Variants in GALNT13 observed in about 807,000 individuals in gnomAD.
GALNT13 encodes UDP-GalNAc:polypeptide N-acetylgalactosaminyltransferase 13.
A neutral mutation model predicts 64.2 loss-of-function variants in GALNT13; 28 were observed. The ratio of observed to expected loss-of-function variants is 0.44; its 90% CI spans 0.32 to 0.60. GALNT13 has a LOEUF of 0.60. GALNT13 is among the 20% of genes least tolerant of loss of function. The probability of loss-of-function intolerance (pLI) is 0.05; values close to 1 mark genes in which losing one functional copy is unlikely to be tolerated. For synonymous variants in GALNT13, 214 were observed against 224.6 expected, an observed-to-expected ratio of 0.95 and a Z score of 0.42; for missense variants, 577 against 669.8, an observed-to-expected ratio of 0.86 and a Z score of 1.53.
the GALNT13 span, among the ~76,000 whole-genome samples, chr2:153,778,350 T>C: frequency 1.3e-5 from 2 of 152,188 alleles, no homozygotes; most frequent in Non-Finnish European, 2.9e-5. Flanking sequence ...GTGCCTGTAC[T>C]CACCTAGGTT....
At chr2:153,371,147 TATG>T in the GALNT13 span, 1 of 153,184 alleles carries the variant, frequency 6.5e-6, no homozygotes, top group African/African-American at 2.4e-5. Context: ...AACATCCATT[TATG>T]ATATCAACTT....
At chr2:153,136,668 A>G in the GALNT13 span, among the ~76,000 whole-genome samples, 500 of 152,232 alleles carry the variant, frequency 3.3e-3, 8 homozygotes, top group African/African-American at 0.011. Flanking sequence ...TAACATTTTC[A>G]TAACTAAAAC....
At chr2:153,622,027 A>G in the GALNT13 span, among the ~76,000 whole-genome samples, 3 of 152,126 alleles carry the variant, frequency 2.0e-5, no homozygotes, top group Admixed American at 1.3e-4. Context: ...ATAAGGTATG[A>G]CTATAAAGGA....
chr2:154,246,010 A>C, intron 7 of GALNT13, 28 bp downstream of exon 7: 1 of 1,503,038 alleles, frequency 6.7e-7, no homozygotes. Context: ...CTTGAAGATT[A>C]TGTATATCCC....
At chr2:154,427,056 A>T (rs930005259) in intron 11 of GALNT13, among the ~76,000 whole-genome samples, 9 of 152,262 alleles carry the variant, frequency 5.9e-5, no homozygotes, top group African/African-American at 1.9e-4. Flanking sequence ...GATTTTATGC[A>T]TGAATATTGC....
At chr2:153,193,564 T>C in the GALNT13 span, among the ~76,000 whole-genome samples, 15 of 151,892 alleles carry the variant, frequency 9.9e-5, no homozygotes, top group Admixed American at 5.2e-4. Context: ...ACCTGCACAA[T>C]GTGCACATGT....
the GALNT13 span, among the ~76,000 whole-genome samples, chr2:153,630,125 T>G: frequency 1.9e-4 from 29 of 151,296 alleles, no homozygotes; most frequent in South Asian, 5.1e-3. Context: ...AAATACCATT[T>G]GACCCAGCCA....
intron 3 of GALNT13, among the ~76,000 whole-genome samples, chr2:154,099,341 C>A (rs1025897923): frequency 2.0e-5 from 3 of 152,036 alleles, no homozygotes; most frequent in Admixed American, 6.6e-5. Flanking sequence ...GCATAATTTG[C>A]AAATATTTTC....
the GALNT13 span, among the ~76,000 whole-genome samples, chr2:153,499,386 G>A: frequency 6.6e-6 from 1 of 152,096 alleles, no homozygotes; most frequent in African/African-American, 2.4e-5. Context: ...GACATGGGTG[G>A]GTCTGGAAAA....
chr2:153,121,971 A>G, the GALNT13 span, among the ~76,000 whole-genome samples: 7 of 152,276 alleles, frequency 4.6e-5, no homozygotes, highest in African/African-American at 1.4e-4. Flanking sequence ...TATGGTATGC[A>G]TACAGTTTTG....
chr2:154,356,078 T>C (rs1696731893), intron 9 of GALNT13, among the ~76,000 whole-genome samples: 2 of 152,084 alleles, frequency 1.3e-5, no homozygotes, highest in Admixed American at 6.6e-5. Flanking sequence ...CAATTTCAAA[T>C]GATTTCTCTT....
intron 9 of GALNT13, among the ~76,000 whole-genome samples, chr2:154,395,079 T>G: frequency 6.6e-6 from 1 of 152,204 alleles, no homozygotes; most frequent in East Asian, 1.9e-4. Flanking sequence ...TCCTAAATAC[T>G]AGGCCATTTT....
the GALNT13 span, among the ~76,000 whole-genome samples, chr2:153,501,075 AAT>A: frequency 6.6e-6 from 1 of 151,740 alleles, no homozygotes; most frequent in African/African-American, 2.4e-5. Flanking sequence ...AAAAAAAAAA[AAT>A]ATATAAATTT....
intron 4 of GALNT13, among the ~76,000 whole-genome samples, chr2:154,226,335 T>C (rs1322418070): frequency 6.6e-6 from 1 of 152,132 alleles, no homozygotes; most frequent in African/African-American, 2.4e-5. Context: ...ACTTCTATGA[T>C]GCACTAAATA....
the GALNT13 span, among the ~76,000 whole-genome samples, chr2:153,675,512 G>A: frequency 1.3e-5 from 2 of 152,146 alleles, no homozygotes; most frequent in South Asian, 4.1e-4. Flanking sequence ...CGTGGACACA[G>A]GGAGGGGAAC....
chr2:153,512,530 C>T, the GALNT13 span, among the ~76,000 whole-genome samples: 1 of 152,130 alleles, frequency 6.6e-6, no homozygotes, highest in Admixed American at 6.5e-5. Flanking sequence ...TCCAGTCACA[C>T]TTCCTTTGCT....
the GALNT13 span, among the ~76,000 whole-genome samples, chr2:153,241,949 C>T: frequency 6.6e-6 from 1 of 151,998 alleles, no homozygotes; most frequent in Non-Finnish European, 1.5e-5. Context: ...AAACCAATAC[C>T]AGATGAAATT....
chr2:153,692,135 G>GA, the GALNT13 span, among the ~76,000 whole-genome samples: 1 of 152,090 alleles, frequency 6.6e-6, no homozygotes, highest in Non-Finnish European at 1.5e-5. Context: ...CAAGCACAAA[G>GA]AAGTAAATAC....
chr2:154,071,822 C>G (rs977127473), intron 3 of GALNT13, among the ~76,000 whole-genome samples: 1 of 152,026 alleles, frequency 6.6e-6, no homozygotes, highest in Non-Finnish European at 1.5e-5. Context: ...CATCCTTTTA[C>G]TTGGTGATTT....
Sources: allele counts gnomAD v4.1 joint callset (sites outside exome capture counted in the v4.1 genomes callset), GRCh38; gene constraint gnomAD v4.1.1; transcripts MANE v1.5; gene names NCBI Gene and HGNC (gene_info 2026-07-23, HGNC 2026-07-21).